Variants in CYYR1 observed in about 807,000 individuals in gnomAD.
The protein encoded by CYYR1 is cysteine and tyrosine rich 1.
Under a neutral mutation model 15.2 loss-of-function variants are expected in CYYR1, and 14 were observed. The observed-to-expected ratio is 0.92, with a 90% CI of 0.61 to 1.44. The LOEUF (loss-of-function observed/expected upper bound fraction) is 1.44. Among genes scored for constraint, CYYR1 ranks in the 40% most tolerant of loss-of-function variants. The probability of loss-of-function intolerance (pLI) is 0.00; values close to 1 mark genes in which losing one functional copy is unlikely to be tolerated. For missense variants in CYYR1, 228 were observed against 209.5 expected (o/e 1.09, Z -0.54); for synonymous variants, 80 against 77.4 (o/e 1.03, Z -0.18).
intron 2 of CYYR1, among the ~76,000 whole-genome samples, chr21:26,556,671 A>G (rs1477014436): frequency 6.6e-6 from 1 of 152,044 alleles, no homozygotes; most frequent in African/African-American, 2.4e-5. Context: ...AGGGCTACAC[A>G]CTTTTAAACA....
chr21:26,495,144 G>A lies in CYYR1; in HGVS notation c.177-14715C>T, dbSNP rs935544566. Among the ~76,000 whole-genome samples, 10 of 152,198 alleles carry A rather than the reference G, an allele frequency of 6.6e-5. 1 individual carries two copies. The highest frequency in any genetic ancestry group is 2.4e-4 in the African/African-American group (10 of 41,456). ...TGCAGTTATTCACATAACTTATGTTGCCTATGTGGACAGGCGGAATAAGGA... is the reference window on the plus strand; with the variant it reads ...TGCAGTTATTCACATAACTTATGTTACCTATGTGGACAGGCGGAATAAGGA... On this transcript the variant is annotated intron_variant, in intron 2 of 3. Transcript: ENST00000652641.
In CYYR1 at chr21:26,573,132, C is replaced by G; in HGVS notation, c.-192G>C. 3 of 1,499,934 alleles carry G rather than the reference C, an allele frequency of 2.0e-6. No individual in the cohort carries two copies. The highest frequency in any genetic ancestry group is 1.4e-5 in the African/African-American group (1 of 71,014). The allele number at this position is 1,499,934 out of a possible 1,614,324, so 92.9% of individuals were successfully genotyped here. The stretch of plus-strand genomic sequence containing the variant: ...TCCCGGGCCAGCGACTGCGGGACTC[C>G]GCGGAGCTGGGGCGCCCGTGGCCCG... On this transcript the variant is annotated 5_prime_UTR_variant, in exon 1 of 4. Transcript: ENST00000652641.
intron 2 of CYYR1, among the ~76,000 whole-genome samples, chr21:26,501,822 T>A (rs1454358833): frequency 6.6e-6 from 1 of 152,164 alleles, no homozygotes; most frequent in Non-Finnish European, 1.5e-5. Flanking sequence ...GCCTGCAAAG[T>A]GCACTGACGA....
At chr21:26,479,023 A>T (rs1375719309) in intron 3 of CYYR1, among the ~76,000 whole-genome samples, 1 of 152,130 alleles carries the variant, frequency 6.6e-6, no homozygotes, top group Non-Finnish European at 1.5e-5. Context: ...ACTCAAGTGG[A>T]GATGTTCAAT....
chr21:26,528,800 A>G (rs1373024079), intron 2 of CYYR1, among the ~76,000 whole-genome samples: 1 of 152,208 alleles, frequency 6.6e-6, no homozygotes, highest in South Asian at 2.1e-4. Flanking sequence ...TCAGAAATCA[A>G]TTTGACCTAC....
At chr21:26,560,788 T>G (rs1471081421) in intron 2 of CYYR1, among the ~76,000 whole-genome samples, 1 of 152,176 alleles carries the variant, frequency 6.6e-6, no homozygotes, top group Admixed American at 6.5e-5. Context: ...GTTCATCTGC[T>G]GATGTGTCTA....
intron 2 of CYYR1, chr21:26,550,988 G>C (rs1601821827): frequency 1.3e-5 from 2 of 152,594 alleles, no homozygotes; most frequent in African/African-American, 4.8e-5. Context: ...TCAAAGAACA[G>C]GGTGACTCTC....
intron 2 of CYYR1, among the ~76,000 whole-genome samples, chr21:26,502,753 A>G (rs2123481978): frequency 6.6e-6 from 1 of 152,094 alleles, no homozygotes; most frequent in East Asian, 1.9e-4. Flanking sequence ...GTTTGTTTCT[A>G]TGTTGTAATA....
chr21:26,494,681 C>T (rs1382715381), intron 2 of CYYR1, among the ~76,000 whole-genome samples: 1 of 151,848 alleles, frequency 6.6e-6, no homozygotes. Flanking sequence ...ATATTCTATG[C>T]TTGTATACAC....
At chr21:26,533,217 A>G (rs996217810) in intron 2 of CYYR1, among the ~76,000 whole-genome samples, 44 of 148,632 alleles carry the variant, frequency 3.0e-4, no homozygotes, top group Admixed American at 1.1e-3. Context: ...ATTTATACAT[A>G]TATATTATAT....
Position 26,572,975 on chromosome 21 carries a change from G to C in CYYR1, c.-35C>G, listed in dbSNP as rs2123758083. ...TGGCCTGAGGCTTGGAGCGAAGGGA[G>C]AGCCCGGAACCGGAGGGAATGGGGA... On this transcript the variant is annotated 5_prime_UTR_variant, in exon 1 of 4. Coordinates refer to ENST00000652641, the MANE Select transcript of CYYR1 (RefSeq NM_001320768.2). 6.2e-7 allele frequency: 1 copy of C among 1,613,390 alleles called. No homozygotes were observed. Among genetic ancestry groups the C allele is most frequent in the Non-Finnish European group, 8.5e-7 (1 of 1,179,748 alleles).
intron 2 of CYYR1, among the ~76,000 whole-genome samples, chr21:26,487,907 C>A (rs1162389487): frequency 1.0e-4 from 9 of 89,358 alleles, no homozygotes; most frequent in Admixed American, 1.2e-4. Flanking sequence ...AGTAAGTCTA[C>A]ATTACTTGCA....
intron 2 of CYYR1, chr21:26,564,655 T>C (rs974049759): frequency 1.2e-5 from 12 of 980,570 alleles, no homozygotes; most frequent in Non-Finnish European, 1.3e-5. Context: ...TTATATGTAT[T>C]TACCAGGGTG....
intron 2 of CYYR1, among the ~76,000 whole-genome samples, chr21:26,524,327 A>G (rs73898237): frequency 0.047 from 7,217 of 152,264 alleles, 202 homozygotes; most frequent in African/African-American, 0.06. Flanking sequence ...AACTAGGCTA[A>G]CCAAATTTGC....
intron 2 of CYYR1, among the ~76,000 whole-genome samples, chr21:26,497,357 A>C (rs170179): frequency 0.89 from 134,961 of 152,176 alleles, 60,909 homozygotes; most frequent in African/African-American, 0.97. Context: ...TCATTCATGT[A>C]ATAGAACATA....
intron 2 of CYYR1, chr21:26,564,724 A>C: frequency 8.3e-7 from 1 of 1,209,886 alleles, no homozygotes; most frequent in Non-Finnish European, 1.1e-6. Context: ...TAGTTAGTGA[A>C]TCAAGAGCTA....
chr21:26,536,715 A>G (rs138904593), intron 2 of CYYR1, among the ~76,000 whole-genome samples: 114 of 152,280 alleles, frequency 7.5e-4, no homozygotes, highest in African/African-American at 2.2e-3. Flanking sequence ...GATTGGAAAT[A>G]TCTATGCCTC....
At chr21:26,550,567 C>T (rs969753735) in intron 2 of CYYR1, 1 of 152,082 alleles carries the variant, frequency 6.6e-6, no homozygotes, top group African/African-American at 2.4e-5. Context: ...AGTGCTGCTC[C>T]AGTGAACACA....
Position 26,536,130 on chromosome 21 carries a change from C to G in CYYR1, c.176+30136G>C, listed in dbSNP as rs182446537. Among the ~76,000 whole-genome samples, 11 of 152,246 alleles carry G rather than the reference C, an allele frequency of 7.2e-5. 1 individual carries two copies. In the East Asian group the frequency reaches 1.9e-3, roughly 27 times the overall value. On this transcript the variant is annotated intron_variant, in intron 2 of 3. Transcript: ENST00000652641. ...AGAGTGATGGGGGAGTTGCTACGCACTTGCAAACAACTGGATCTCATGAGA... is the reference window on the plus strand; with the variant it reads ...AGAGTGATGGGGGAGTTGCTACGCAGTTGCAAACAACTGGATCTCATGAGA...
Sources: gnomAD v4.1 joint callset for allele counts (sites outside exome capture counted in the v4.1 genomes callset) on GRCh38, gnomAD v4.1.1 for gene constraint, MANE v1.5 for transcripts, NCBI Gene and HGNC (gene_info 2026-07-23, HGNC 2026-07-21) for gene names.